Variants in TGM6 observed in about 807,000 individuals in gnomAD.
TGM6 encodes transglutaminase 6, also known as protein-glutamine gamma-glutamyltransferase 6.
TGM6 carries 74 observed loss-of-function variants against 77.5 expected under a neutral mutation model. That is an observed-to-expected ratio of 0.96 (90% CI 0.79 to 1.16). The LOEUF is 1.16. TGM6 is among the 50% of genes most tolerant of loss of function. The pLI is 0.00. For synonymous variants in TGM6, 383 were observed against 378.9 expected (o/e 1.01, Z -0.12); for missense variants, 968 against 940.2 (o/e 1.03, Z -0.39).
chr20:2,403,946 A>G, intron 9 of TGM6, 123 bp downstream of exon 9: 13 of 1,514,830 alleles, frequency 8.6e-6, no homozygotes, highest in Non-Finnish European at 1.1e-5. Flanking sequence ...AGCAGCTTCC[A>G]TTCACGTTGT....
intron 10 of TGM6, among the ~76,000 whole-genome samples, chr20:2,419,460 A>G (rs1049565580): frequency 2.0e-5 from 3 of 152,232 alleles, no homozygotes; most frequent in African/African-American, 7.2e-5. Flanking sequence ...TAAAATTTTA[A>G]TTAACACACA....
At chr20:2,381,720 C>A (rs2084556102) in intron 1 of TGM6, among the ~76,000 whole-genome samples, 1 of 152,082 alleles carries the variant, frequency 6.6e-6, no homozygotes, top group Admixed American at 6.6e-5. Flanking sequence ...AGTTTGAGAC[C>A]AGCCTGGGCA....
At chr20:2,397,788 C>T (rs1434243228) in intron 4 of TGM6, 130 bp from the exon 5 acceptor site, 4 of 1,454,692 alleles carry the variant, frequency 2.7e-6, no homozygotes, top group South Asian at 2.3e-5. Flanking sequence ...CTCTGTGATG[C>T]CCCTGGTGGT....
In TGM6 at chr20:2,394,684, C is replaced by T; in HGVS notation, c.181+59C>T. The stretch of plus-strand genomic sequence containing the variant: ...GCAGCTGGAGGGACCTGTCTTATGA[C>T]TCAGTAACATAAGACCTTGCAGTCA... On this transcript the variant is annotated intron_variant, in intron 2 of 12. Transcript: ENST00000202625. 7.9e-6 allele frequency: 12 copies of T among 1,522,036 alleles called. No individual in the cohort carries two copies. The South Asian group carries it at 1.2e-4, about 15-fold the overall frequency. The allele number at this position is 1,522,036 out of a possible 1,614,324, so 94.3% of individuals were successfully genotyped here.
intron 10 of TGM6, among the ~76,000 whole-genome samples, chr20:2,423,512 A>C (rs1319406676): frequency 2.0e-5 from 3 of 152,176 alleles, no homozygotes; most frequent in Non-Finnish European, 2.9e-5. Context: ...CAGATGGAGC[A>C]ATTCAGTCAC....
chr20:2,430,258 G>A (rs1263843779), intron 10 of TGM6, among the ~76,000 whole-genome samples, 188 bp from the exon 11 acceptor site: 1 of 152,106 alleles, frequency 6.6e-6, no homozygotes, highest in African/African-American at 2.4e-5. Flanking sequence ...ATATGAGTTT[G>A]AACAGGAAAA....
intron 1 of TGM6, among the ~76,000 whole-genome samples, chr20:2,385,264 CTTTGGG>C (rs2084586432): frequency 6.6e-6 from 1 of 152,084 alleles, no homozygotes; most frequent in South Asian, 2.1e-4. Flanking sequence ...ATGGGAGCTG[CTTTGGG>C]CTGTGGCAGG....
At position 2,418,157 on chromosome 20, in the gene TGM6, C is replaced by T. The variant is rs147400986; in HGVS notation, c.1678+584C>T. On this transcript the variant is annotated intron_variant, in intron 10 of 12. Coordinates refer to ENST00000202625, the MANE Select transcript of TGM6 (RefSeq NM_198994.3). ...CCTCCTGAGTAGCTGGGACTACAGG[C>T]GTGCACCACCACACCCAGATAATTT... Among the ~76,000 whole-genome samples, 1,035 of 152,170 alleles carry T rather than the reference C, an allele frequency of 6.8e-3. 10 individuals carry two copies. The highest frequency in any genetic ancestry group is 0.011 in the Non-Finnish European group (779 of 68,002).
chr20:2,387,358 A>G (rs2084603149), intron 1 of TGM6, among the ~76,000 whole-genome samples: 1 of 152,204 alleles, frequency 6.6e-6, no homozygotes, highest in Non-Finnish European at 1.5e-5. Context: ...GTAATGGAAA[A>G]GCCCCCTGGA....
chr20:2,424,280 C>T (rs1225821542), intron 10 of TGM6, among the ~76,000 whole-genome samples: 1 of 152,218 alleles, frequency 6.6e-6, no homozygotes, highest in Non-Finnish European at 1.5e-5. Context: ...ATTTTTTCTA[C>T]ATTGAAAATG....
intron 3 of TGM6, 110 bp downstream of exon 3, chr20:2,395,546 C>G: frequency 6.3e-7 from 1 of 1,587,710 alleles, no homozygotes; most frequent in Non-Finnish European, 8.6e-7. Context: ...AAGCTGAATG[C>G]CAAGAGCTGG....
At chr20:2,414,096 A>G (rs1304385153) in intron 9 of TGM6, among the ~76,000 whole-genome samples, 1 of 152,218 alleles carries the variant, frequency 6.6e-6, no homozygotes, top group Admixed American at 6.5e-5. Context: ...AGTCCAAGGC[A>G]TGAACCACCA....
In TGM6 at chr20:2,430,894, G is replaced by A; in HGVS notation, c.1834G>A (p.Val612Ile). ...ITLEDFITIK[V>I]LGPAMVGVAV... is the part of the protein sequence containing the mutation. Reference sequence around the variant, plus strand: ...GGCTCATGGGTGTTGTCCCCTTCAGGTTCTGGGCCCAGCCATGGTGGGAGT... The same window carrying A: ...GGCTCATGGGTGTTGTCCCCTTCAGATTCTGGGCCCAGCCATGGTGGGAGT... Residue 612 changes from valine to isoleucine, a missense_variant and splice_region_variant, in exon 12 of 13, where the codon GTT (valine) becomes ATT (isoleucine). By Grantham distance (29) the Val-to-Ile change is conservative. Coordinates refer to ENST00000202625, the MANE Select transcript of TGM6 (RefSeq NM_198994.3). 4 of 1,614,156 alleles carry A rather than the reference G, an allele frequency of 2.5e-6. No homozygotes were observed. The highest frequency in any genetic ancestry group is 3.4e-6 in the Non-Finnish European group (4 of 1,180,038).
chr20:2,397,922 A>T lies in TGM6; in HGVS notation c.548A>T (p.Glu183Val). 1 of 1,614,110 alleles carries T rather than the reference A, an allele frequency of 6.2e-7. No individual in the cohort carries two copies. Among genetic ancestry groups the T allele is most frequent in the Non-Finnish European group, 8.5e-7 (1 of 1,180,010 alleles). ...RAQGWNYGQFEEDILNICLSI... is the reference protein window; with the variant it reads ...RAQGWNYGQFVEDILNICLSI... Reference sequence around the variant, plus strand: ...CACAGCCTCTCTGGGGAGCAGTTTGAGGAGGACATCCTGAACATCTGCCTC... The same window carrying T: ...CACAGCCTCTCTGGGGAGCAGTTTGTGGAGGACATCCTGAACATCTGCCTC... The change falls in exon 5 of 13, where the codon GAG becomes GTG. Residue 183 changes from glutamate to valine, a missense_variant. Physicochemically the swap from Glu to Val is moderately radical, Grantham distance 121. Transcript: ENST00000202625.
chr20:2,405,631 C>A (rs2084745084), intron 9 of TGM6, among the ~76,000 whole-genome samples: 1 of 152,246 alleles, frequency 6.6e-6, no homozygotes, highest in Non-Finnish European at 1.5e-5. Context: ...CCATCACAAC[C>A]TGCTGCCATC....
intron 9 of TGM6, among the ~76,000 whole-genome samples, chr20:2,415,933 G>A (rs576062229): frequency 6.6e-6 from 1 of 152,292 alleles, no homozygotes; most frequent in South Asian, 2.1e-4. Flanking sequence ...GAGCCCCACC[G>A]ATAGAACCCC....
At chr20:2,428,093 C>A (rs1052022060) in intron 10 of TGM6, among the ~76,000 whole-genome samples, 3 of 152,084 alleles carry the variant, frequency 2.0e-5, no homozygotes, top group African/African-American at 7.2e-5. Flanking sequence ...GTTCTGGGGG[C>A]ATATATTGCA....
At position 2,396,699 on chromosome 20, in the gene TGM6, C is replaced by G. The variant is rs45449695; in HGVS notation, c.543+75C>G. ...GTCGGTGGGACTGGAGTCCCTCTGT[C>G]TGCTCACTCTTCTCAGGAGGGACAA... is the stretch of plus-strand genomic sequence containing the variant. On this transcript the variant is annotated intron_variant, in intron 4 of 12. Coordinates refer to ENST00000202625, the MANE Select transcript of TGM6 (RefSeq NM_198994.3). The G allele has an allele frequency of 0.014, 19,010 of 1,356,358 alleles. 219 individuals carry two copies. The highest frequency in any genetic ancestry group is 0.054 in the East Asian group (2,321 of 43,070). The allele number at this position is 1,356,358 out of a possible 1,614,324, so 84.0% of individuals were successfully genotyped here. A position where few individuals can be genotyped will look rare whatever the true frequency, so the allele number is the denominator to read the frequency against.
intron 10 of TGM6, among the ~76,000 whole-genome samples, chr20:2,429,340 C>A (rs1320728973): frequency 6.6e-6 from 1 of 151,772 alleles, no homozygotes; most frequent in African/African-American, 2.4e-5. Context: ...AACTCAGATG[C>A]CTTCAGAGTC....
Sources: allele counts gnomAD v4.1 joint callset (sites outside exome capture counted in the v4.1 genomes callset), GRCh38; gene constraint gnomAD v4.1.1; transcripts MANE v1.5; gene names NCBI Gene and HGNC (gene_info 2026-07-23, HGNC 2026-07-21).